ZNF804A: variants seen among roughly 807,000 people sequenced by gnomAD.
ZNF804A encodes zinc finger protein 804A.
In ZNF804A, 2 loss-of-function variants were observed where a neutral mutation model predicts 16.5. The ratio of observed to expected loss-of-function variants is 0.12; its 90% CI spans 0.05 to 0.38. ZNF804A has a LOEUF of 0.38. Ranked by LOEUF, ZNF804A falls within the 10% of genes least tolerant of loss-of-function variation. The pLI is 0.99. For synonymous variants in ZNF804A, 534 were observed against 489.6 expected (o/e 1.09, Z -1.20); for missense variants, 1,473 against 1,390.7 (o/e 1.06, Z -0.94).
At chr2:184,924,102 A>C (rs1685573206) in intron 2 of ZNF804A, among the ~76,000 whole-genome samples, 2 of 151,568 alleles carry the variant, frequency 1.3e-5, no homozygotes, top group Admixed American at 1.3e-4. Context: ...GGAGTTTGGA[A>C]GTATTCCCTT....
chr2:184,640,483 CT>C (rs1691777329), intron 1 of ZNF804A, among the ~76,000 whole-genome samples: 1 of 152,012 alleles, frequency 6.6e-6, no homozygotes, highest in Non-Finnish European at 1.5e-5. Flanking sequence ...ACAGAAAACA[CT>C]TCTTCACTTA....
At chr2:184,643,180 A>C (rs2105695023) in intron 1 of ZNF804A, among the ~76,000 whole-genome samples, 1 of 152,142 alleles carries the variant, frequency 6.6e-6, no homozygotes, top group African/African-American at 2.4e-5. Context: ...GCATTTAATA[A>C]ATATTTATTA....
intron 1 of ZNF804A, among the ~76,000 whole-genome samples, chr2:184,666,068 A>G (rs1371800326): frequency 6.6e-6 from 1 of 152,152 alleles, no homozygotes; most frequent in East Asian, 1.9e-4. Flanking sequence ...AACACCACAA[A>G]TTGAAAATTA....
chr2:184,744,026 C>T (rs1221236624), intron 1 of ZNF804A, among the ~76,000 whole-genome samples: 4 of 151,882 alleles, frequency 2.6e-5, no homozygotes, highest in Non-Finnish European at 5.9e-5. Context: ...TTTAAATAAG[C>T]ATTAAAATGA....
At chr2:184,835,388 C>A (rs1322864769) in intron 1 of ZNF804A, among the ~76,000 whole-genome samples, 3 of 152,002 alleles carry the variant, frequency 2.0e-5, no homozygotes, top group Admixed American at 6.6e-5. Flanking sequence ...GCAGTAATTT[C>A]TAGAAAAAGG....
chr2:184,677,726 G>A (rs1021067667), intron 1 of ZNF804A, among the ~76,000 whole-genome samples: 2 of 151,916 alleles, frequency 1.3e-5, no homozygotes, highest in African/African-American at 2.4e-5. Flanking sequence ...CTAACTCAAT[G>A]TTCAAAATGA....
chr2:184,773,626 A>G (rs1694248864), intron 1 of ZNF804A, among the ~76,000 whole-genome samples: 2 of 151,914 alleles, frequency 1.3e-5, no homozygotes, highest in African/African-American at 4.8e-5. Flanking sequence ...CATAAGAATG[A>G]TACAGTGAAC....
At chr2:184,658,092 T>A (rs1692111025) in intron 1 of ZNF804A, among the ~76,000 whole-genome samples, 2 of 152,366 alleles carry the variant, frequency 1.3e-5, no homozygotes, top group South Asian at 4.1e-4. Flanking sequence ...GGTGTGATAA[T>A]TTTTTACCTC....
chr2:184,654,085 A>T (rs945806464), intron 1 of ZNF804A, among the ~76,000 whole-genome samples: 1 of 152,220 alleles, frequency 6.6e-6, no homozygotes, highest in Non-Finnish European at 1.5e-5. Context: ...GGGGGAGCCC[A>T]ATCCTGCCCT....
intron 1 of ZNF804A, among the ~76,000 whole-genome samples, chr2:184,761,930 T>C (rs571601042): frequency 1.3e-4 from 20 of 152,254 alleles, no homozygotes; most frequent in Admixed American, 4.6e-4. Flanking sequence ...ACTAAACTTT[T>C]GATACCATCT....
chr2:184,651,838 T>C (rs1691988934), intron 1 of ZNF804A, among the ~76,000 whole-genome samples: 1 of 152,122 alleles, frequency 6.6e-6, no homozygotes, highest in African/African-American at 2.4e-5. Context: ...ATACACTGTT[T>C]GTGGGAATAC....
At chr2:184,818,554 A>C (rs1225770965) in intron 1 of ZNF804A, among the ~76,000 whole-genome samples, 1 of 152,098 alleles carries the variant, frequency 6.6e-6, no homozygotes, top group Admixed American at 6.6e-5. Flanking sequence ...TTCACACATA[A>C]AAATATTAAC....
chr2:184,827,824 G>A (rs1297926355), intron 1 of ZNF804A, among the ~76,000 whole-genome samples: 2 of 151,448 alleles, frequency 1.3e-5, no homozygotes, highest in Admixed American at 6.6e-5. Flanking sequence ...CTGGTAATGG[G>A]TGTATAATAC....
rs539627593 is a variant in ZNF804A at position 184,759,324 on chromosome 2, G to A, written c.112-107045G>A. Among the ~76,000 whole-genome samples, 56 of 151,492 alleles carry A rather than the reference G, an allele frequency of 3.7e-4. No homozygotes were observed. In the South Asian group the frequency reaches 5.6e-3, roughly 15 times the overall value. On this transcript the variant is annotated intron_variant, in intron 1 of 3. Coordinates refer to ENST00000302277, the MANE Select transcript of ZNF804A (RefSeq NM_194250.2). ...AAATCTTACACAAAAAAGGACATTG[G>A]GAAAAAAGTCTGTAGTTGAGGTAAT...
chr2:184,891,235 G>A (rs552758616), intron 2 of ZNF804A, among the ~76,000 whole-genome samples: 1 of 152,234 alleles, frequency 6.6e-6, no homozygotes, highest in South Asian at 2.1e-4. Flanking sequence ...CCTGAACAAA[G>A]TATTGCAATG....
At chr2:184,671,808 C>T (rs1388477198) in intron 1 of ZNF804A, among the ~76,000 whole-genome samples, 1 of 152,198 alleles carries the variant, frequency 6.6e-6, no homozygotes, top group Non-Finnish European at 1.5e-5. Flanking sequence ...TCACAAATCT[C>T]TTTGCTGTTT....
intron 1 of ZNF804A, among the ~76,000 whole-genome samples, chr2:184,860,584 T>C (rs1270978975): frequency 6.6e-6 from 1 of 152,152 alleles, no homozygotes. Context: ...GGGATCAGCC[T>C]GGTGCTAAGA....
intron 1 of ZNF804A, among the ~76,000 whole-genome samples, chr2:184,810,919 G>A (rs962633747): frequency 6.6e-6 from 1 of 152,130 alleles, no homozygotes; most frequent in Non-Finnish European, 1.5e-5. Flanking sequence ...GTCTTTATAT[G>A]TATAAGAAAT....
intron 1 of ZNF804A, among the ~76,000 whole-genome samples, chr2:184,736,644 G>T (rs1016987766): frequency 6.6e-6 from 1 of 151,910 alleles, no homozygotes; most frequent in Admixed American, 6.6e-5. Context: ...AAACCACCAC[G>T]GCACACGTAT....
Sources: gnomAD v4.1 joint callset for allele counts (sites outside exome capture counted in the v4.1 genomes callset) on GRCh38, gnomAD v4.1.1 for gene constraint, MANE v1.5 for transcripts, NCBI Gene and HGNC (gene_info 2026-07-23, HGNC 2026-07-21) for gene names.